The following SLC38A8 variants were observed in gnomAD, a reference collection of about 807,000 sequenced individuals.
The protein encoded by SLC38A8 is solute carrier family 38 member 8, also known as amino acid transporter SLC38A8.
A neutral mutation model predicts 46.0 loss-of-function variants in SLC38A8; 65 were observed. The ratio of observed to expected loss-of-function variants is 1.41; its 90% CI spans 1.16 to 1.74. SLC38A8 has a LOEUF of 1.74. SLC38A8 is among the 40% of genes most tolerant of loss of function. The pLI, the probability that SLC38A8 is intolerant of heterozygous loss-of-function variation, is 0.00. For synonymous variants in SLC38A8, 447 were observed against 243.7 expected, an observed-to-expected ratio of 1.83 and a Z score of -7.77; for missense variants, 998 against 567.9, an observed-to-expected ratio of 1.76 and a Z score of -7.70.
chr16:84,037,578 T>C (rs2085315170), intron 2 of SLC38A8, among the ~76,000 whole-genome samples: 1 of 152,098 alleles, frequency 6.6e-6, no homozygotes, highest in South Asian at 2.1e-4. Context: ...CTGGCCAACA[T>C]GGAGAAACCC....
At chr16:84,036,610 C>A in intron 3 of SLC38A8, 92 bp downstream of exon 3, 2 of 1,447,334 alleles carry the variant, frequency 1.4e-6, no homozygotes, top group Middle Eastern at 2.4e-4. Flanking sequence ...AGGGCCCAGG[C>A]CAGGGCCCCA....
intron 3 of SLC38A8, 117 bp downstream of exon 3, chr16:84,036,585 C>G: frequency 2.6e-6 from 3 of 1,166,488 alleles, no homozygotes; most frequent in Non-Finnish European, 3.7e-6. Context: ...GTGGTTTCAG[C>G]CTCTGCTGTC....
chr16:84,022,703 A>T, intron 7 of SLC38A8, 72 bp downstream of exon 7: 1 of 1,163,200 alleles, frequency 8.6e-7, no homozygotes, highest in South Asian at 1.3e-5. Context: ...CTCTCTAGAG[A>T]GATACTCGCT....
chr16:84,035,676 A>C (rs191773685), intron 3 of SLC38A8, among the ~76,000 whole-genome samples: 1 of 152,226 alleles, frequency 6.6e-6, no homozygotes, highest in African/African-American at 2.4e-5. Flanking sequence ...CTATACAAAC[A>C]CTAGTCTTAA....
At chr16:84,032,323 G>T (rs1447829103) in intron 4 of SLC38A8, among the ~76,000 whole-genome samples, 1 of 152,114 alleles carries the variant, frequency 6.6e-6, no homozygotes, top group Non-Finnish European at 1.5e-5. Flanking sequence ...CGAATAGCTG[G>T]GATTACAGGT....
At chr16:84,028,283 C>T (rs1015869033) in intron 6 of SLC38A8, among the ~76,000 whole-genome samples, 5 of 151,910 alleles carry the variant, frequency 3.3e-5, no homozygotes, top group South Asian at 2.1e-4. Context: ...CAAATCTTCC[C>T]GAAAATAAGC....
intron 10 of SLC38A8, among the ~76,000 whole-genome samples, chr16:84,012,663 C>A (rs866729041): frequency 6.6e-6 from 1 of 152,224 alleles, no homozygotes; most frequent in African/African-American, 2.4e-5. Context: ...CTAACCCAGC[C>A]TGCACCCTGA....
chr16:84,018,028 T>C (rs1201959751), intron 7 of SLC38A8, among the ~76,000 whole-genome samples: 2 of 152,100 alleles, frequency 1.3e-5, no homozygotes, highest in African/African-American at 4.8e-5. Context: ...TAGTCCATTT[T>C]TTGTTGCTTA....
intron 5 of SLC38A8, 119 bp from the exon 6 acceptor site, chr16:84,029,670 G>C: frequency 9.9e-7 from 1 of 1,006,040 alleles, no homozygotes; most frequent in Non-Finnish European, 1.5e-6. Flanking sequence ...GCTGCAAGAT[G>C]TATTTTTAAT....
intron 5 of SLC38A8, among the ~76,000 whole-genome samples, chr16:84,030,269 G>C (rs1384499980): frequency 6.6e-6 from 1 of 152,088 alleles, no homozygotes; most frequent in East Asian, 1.9e-4. Context: ...GAGGGAGCAT[G>C]GCCTGACCAC....
At chr16:84,042,231 T>C (rs1361130067) in intron 1 of SLC38A8, 72 bp from the exon 2 acceptor site, 1 of 1,493,506 alleles carries the variant, frequency 6.7e-7, no homozygotes, top group African/African-American at 1.4e-5. Flanking sequence ...GATATCCTTA[T>C]TTGTCTCCCC....
intron 9 of SLC38A8, among the ~76,000 whole-genome samples, chr16:84,013,434 T>TTTG (rs1567689188): frequency 7.9e-6 from 1 of 126,986 alleles, no homozygotes. Flanking sequence ...GTTTTTTTTT[T>TTTG]TTTTTTTTTT....
chr16:84,031,991 G>A lies in SLC38A8; in HGVS notation c.531-23C>T, dbSNP rs745908898. 8.1e-6 allele frequency: 13 copies of A among 1,603,260 alleles called. No individual in the cohort carries two copies. The Admixed American group carries it at 1.7e-4, about 21-fold the overall frequency. On this transcript the variant is annotated intron_variant, in intron 4 of 10. Coordinates refer to ENST00000299709, the MANE Select transcript of SLC38A8 (RefSeq NM_001080442.3). ...ATGCTAACACAGTGACCGTGTGAGG[G>A]GCTGCGCAGTGGGTGACATGTGCGG...
intron 7 of SLC38A8, among the ~76,000 whole-genome samples, chr16:84,020,637 G>C (rs1400911926): frequency 6.6e-6 from 1 of 152,176 alleles, no homozygotes; most frequent in Admixed American, 6.5e-5. Flanking sequence ...TCTGTGCCAG[G>C]GTCCCGGGAG....
chr16:84,031,277 GTGATCC>G (rs1254603308), intron 5 of SLC38A8, among the ~76,000 whole-genome samples: 1 of 152,118 alleles, frequency 6.6e-6, no homozygotes, highest in Non-Finnish European at 1.5e-5. Context: ...CTGACCTCAA[GTGATCC>G]ACCTGCCTCA....
intron 7 of SLC38A8, among the ~76,000 whole-genome samples, chr16:84,020,688 C>G (rs2085085226): frequency 6.6e-6 from 1 of 152,206 alleles, no homozygotes; most frequent in Non-Finnish European, 1.5e-5. Context: ...TGGAGGCACC[C>G]TGGGTCTGTC....
intron 2 of SLC38A8, among the ~76,000 whole-genome samples, chr16:84,039,163 C>T (rs1292595841): frequency 2.0e-5 from 3 of 152,180 alleles, no homozygotes; most frequent in African/African-American, 7.2e-5. Flanking sequence ...ACCAGGAGCT[C>T]GAAGAGCCTT....
chr16:84,040,032 T>C (rs2085350840), intron 2 of SLC38A8: 1 of 152,262 alleles, frequency 6.6e-6, no homozygotes, highest in African/African-American at 2.4e-5. Context: ...GGTATGGCCC[T>C]AGACTGTTTT....
intron 4 of SLC38A8, 95 bp downstream of exon 4, chr16:84,033,233 A>G: frequency 6.5e-7 from 1 of 1,544,010 alleles, no homozygotes; most frequent in South Asian, 1.2e-5. Context: ...TGTGAAGGCC[A>G]ATTCCCCAGC....
Sources: gnomAD v4.1 joint callset for allele counts (sites outside exome capture counted in the v4.1 genomes callset) on GRCh38, gnomAD v4.1.1 for gene constraint, MANE v1.5 for transcripts, NCBI Gene and HGNC (gene_info 2026-07-23, HGNC 2026-07-21) for gene names.